The following CADM2 variants were observed in gnomAD, a reference collection of about 807,000 sequenced individuals.
CADM2 encodes immunoglobulin superfamily member 4D.
CADM2 carries 12 observed loss-of-function variants against 49.8 expected under a neutral mutation model. The observed-to-expected ratio is 0.24, with a 90% CI of 0.15 to 0.39. The LOEUF is 0.39. CADM2 is among the 10% of genes least tolerant of loss of function. The pLI is 1.00. For missense variants in CADM2, 378 were observed against 492.3 expected (o/e 0.77, Z 2.20); for synonymous variants, 214 against 175.4 (o/e 1.22, Z -1.74).
At chr3:85,678,043 C>G (rs149907137) in intron 1 of CADM2, among the ~76,000 whole-genome samples, 1 of 152,078 alleles carries the variant, frequency 6.6e-6, no homozygotes, top group East Asian at 1.9e-4. Flanking sequence ...ATTGGCTTAC[C>G]AAAAATGAAA....
chr3:86,057,391 G>A (rs996516248), intron 8 of CADM2, among the ~76,000 whole-genome samples: 4 of 152,072 alleles, frequency 2.6e-5, no homozygotes, highest in African/African-American at 9.7e-5. Context: ...ATATCTGGAT[G>A]AGTCATTTAT....
chr3:85,281,766 A>T (rs1027570536), intron 1 of CADM2, among the ~76,000 whole-genome samples: 1 of 152,132 alleles, frequency 6.6e-6, no homozygotes, highest in South Asian at 2.1e-4. Context: ...CAGATTTTGT[A>T]TGTCATACCT....
intron 1 of CADM2, among the ~76,000 whole-genome samples, chr3:85,003,116 T>G (rs2033554258): frequency 6.6e-6 from 1 of 152,066 alleles, no homozygotes; most frequent in African/African-American, 2.4e-5. Context: ...AGAATCTCCA[T>G]CCACACAAGG....
At chr3:86,037,935 G>T (rs1735374999) in intron 8 of CADM2, among the ~76,000 whole-genome samples, 1 of 152,004 alleles carries the variant, frequency 6.6e-6, no homozygotes, top group African/African-American at 2.4e-5. Flanking sequence ...CATCACTTAG[G>T]TTTTAAACCC....
chr3:85,938,961 G>A (rs143194028), intron 7 of CADM2, among the ~76,000 whole-genome samples: 201 of 152,020 alleles, frequency 1.3e-3, no homozygotes, highest in African/African-American at 4.5e-3. Context: ...TATTTAACTA[G>A]TACGTTTTGA....
At chr3:85,570,147 G>A (rs1339708816) in intron 1 of CADM2, among the ~76,000 whole-genome samples, 1 of 152,038 alleles carries the variant, frequency 6.6e-6, no homozygotes, top group Non-Finnish European at 1.5e-5. Context: ...GATAGTCATT[G>A]GAAAAATAGA....
chr3:85,066,881 T>C (rs2036545684), intron 1 of CADM2, among the ~76,000 whole-genome samples: 1 of 152,220 alleles, frequency 6.6e-6, no homozygotes, highest in East Asian at 1.9e-4. Flanking sequence ...CCATTCATTC[T>C]TACGACATTC....
intron 1 of CADM2, among the ~76,000 whole-genome samples, chr3:85,059,309 AT>A (rs2036210811): frequency 1.4e-5 from 2 of 142,638 alleles, no homozygotes; most frequent in African/African-American, 5.1e-5. Flanking sequence ...GATCTAGCAA[AT>A]AAAAAAATAA....
At chr3:85,467,870 T>C (rs1377018420) in intron 1 of CADM2, among the ~76,000 whole-genome samples, 1 of 152,170 alleles carries the variant, frequency 6.6e-6, no homozygotes, top group Non-Finnish European at 1.5e-5. Context: ...TCGACACTGT[T>C]TCTGTTATAA....
rs535832761 is a variant in CADM2 at position 85,418,645 on chromosome 3, G to T, written c.62-307877G>T. Among the ~76,000 whole-genome samples the T allele has an allele frequency of 2.0e-5, 3 of 152,116 alleles. No individual in the cohort carries two copies. In the South Asian group the frequency reaches 6.2e-4, roughly 32 times the overall value. On this transcript the variant is annotated intron_variant, in intron 1 of 9. Coordinates refer to ENST00000383699, the MANE Select transcript of CADM2 (RefSeq NM_001167675.2). ...TCACATTTTATTTAAAAGAAAAATAGGTAAATTGTTAAAATCTCCAAAAAG... is the reference window on the plus strand; with the variant it reads ...TCACATTTTATTTAAAAGAAAAATATGTAAATTGTTAAAATCTCCAAAAAG...
intron 1 of CADM2, among the ~76,000 whole-genome samples, chr3:85,043,836 T>A (rs931161424): frequency 2.6e-5 from 4 of 152,138 alleles, no homozygotes; most frequent in African/African-American, 9.7e-5. Context: ...CTATTATCTA[T>A]CATATAAAAT....
chr3:85,036,027 T>C (rs1348887897), intron 1 of CADM2, among the ~76,000 whole-genome samples: 1 of 152,230 alleles, frequency 6.6e-6, no homozygotes, highest in Non-Finnish European at 1.5e-5. Context: ...CATTAATGAC[T>C]ATGTATCACT....
chr3:85,709,088 G>A (rs2067036599), intron 1 of CADM2, among the ~76,000 whole-genome samples: 1 of 152,012 alleles, frequency 6.6e-6, no homozygotes, highest in Non-Finnish European at 1.5e-5. Context: ...ATTATCGTTA[G>A]TGAAAATTTA....
At chr3:85,709,430 AT>A (rs1314154337) in intron 1 of CADM2, among the ~76,000 whole-genome samples, 2 of 152,030 alleles carry the variant, frequency 1.3e-5, no homozygotes, top group African/African-American at 2.4e-5. Context: ...TACATACAAG[AT>A]TTTCCTTATA....
chr3:85,604,107 A>G (rs1011231587), intron 1 of CADM2, among the ~76,000 whole-genome samples: 2 of 151,902 alleles, frequency 1.3e-5, no homozygotes, highest in Non-Finnish European at 2.9e-5. Flanking sequence ...CATCATATGT[A>G]GGAGAGAAAG....
intron 1 of CADM2, among the ~76,000 whole-genome samples, chr3:85,417,372 A>G (rs1025114280): frequency 1.3e-5 from 2 of 152,094 alleles, no homozygotes; most frequent in African/African-American, 2.4e-5. Flanking sequence ...CCTGCACACA[A>G]CTCACTCATA....
Position 85,855,580 on chromosome 3 carries a change from A to T in CADM2, c.239-27711A>T, listed in dbSNP as rs372647989. 1.6e-3 allele frequency among the ~76,000 whole-genome samples: 201 copies of T among 129,562 alleles called. 1 individual carries two copies. Among genetic ancestry groups the T allele is most frequent in the African/African-American group, 3.1e-3 (110 of 34,966 alleles). The allele number at this position is 129,562 out of a possible 152,430, so 85.0% of individuals were successfully genotyped here. Reference sequence around the variant, plus strand: ...ATATATTTATATTTATATATATATAAAAAACATATATATATATAAAACATA... The same window carrying T: ...ATATATTTATATTTATATATATATATAAAACATATATATATATAAAACATA... On this transcript the variant is annotated intron_variant, in intron 3 of 9. Transcript: ENST00000383699.
chr3:85,295,010 A>C lies in CADM2; in HGVS notation c.61+335342A>C, dbSNP rs1033423434. On this transcript the variant is annotated intron_variant, in intron 1 of 9. Transcript: ENST00000383699. Reference sequence around the variant, plus strand: ...CCATCAGAGTGAACAGGCAACCTACAAAATGGGAGAAAATTTTCACAACCT... The same window carrying C: ...CCATCAGAGTGAACAGGCAACCTACCAAATGGGAGAAAATTTTCACAACCT... 2.6e-3 allele frequency among the ~76,000 whole-genome samples: 400 copies of C among 152,262 alleles called. 3 individuals carry two copies. Among genetic ancestry groups the C allele is most frequent in the African/African-American group, 9.2e-3 (382 of 41,544 alleles).
At chr3:85,807,575 A>T (rs2072528415) in intron 3 of CADM2, among the ~76,000 whole-genome samples, 1 of 152,046 alleles carries the variant, frequency 6.6e-6, no homozygotes, top group Admixed American at 6.6e-5. Flanking sequence ...ACATTCCATG[A>T]TGATGGGAAT....
Sources: gnomAD v4.1 joint callset for allele counts (sites outside exome capture counted in the v4.1 genomes callset) on GRCh38, gnomAD v4.1.1 for gene constraint, MANE v1.5 for transcripts, NCBI Gene and HGNC (gene_info 2026-07-23, HGNC 2026-07-21) for gene names.